Variants in RASGRP1 observed in about 807,000 individuals in gnomAD.
The protein encoded by RASGRP1 is RAS guanyl releasing protein 1, also known as RAS guanyl-releasing protein 1.
In RASGRP1, 37 loss-of-function variants were observed where a neutral mutation model predicts 95.1. That is an observed-to-expected ratio of 0.39 (90% confidence interval 0.30 to 0.51). The LOEUF (loss-of-function observed/expected upper bound fraction) is 0.51, where lower values mean the gene tolerates loss of function less well. Among genes scored for constraint, RASGRP1 ranks in the 20% least tolerant of loss-of-function variants. RASGRP1 has a pLI of 0.80. For missense variants in RASGRP1, 711 were observed against 965.4 expected (o/e 0.74, Z 3.49); for synonymous variants, 325 against 353.4 (o/e 0.92, Z 0.90).
chr15:38,555,543 T>C (rs1893519968), intron 2 of RASGRP1, among the ~76,000 whole-genome samples: 1 of 152,164 alleles, frequency 6.6e-6, no homozygotes, highest in Non-Finnish European at 1.5e-5. Flanking sequence ...AGGTTGCAAG[T>C]GGCTGCTAGG....
chr15:38,516,946 GCCC>G lies in RASGRP1; in HGVS notation c.522-599_522-597del, dbSNP rs139953555. Among the ~76,000 whole-genome samples, 366 of 152,108 alleles carry G rather than the reference GCCC, an allele frequency of 2.4e-3. 1 individual carries two copies. The highest frequency in any genetic ancestry group is 8.5e-3 in the African/African-American group (351 of 41,468). ...CCTAGCTGACCCTAGAGTGCGCCCTGCCCCCATTATTTTCTTGTAATCAACCCA... is the reference window on the plus strand; with the variant it reads ...CCTAGCTGACCCTAGAGTGCGCCCTGCCATTATTTTCTTGTAATCAACCCA... On this transcript the variant is annotated intron_variant, in intron 5 of 16. Coordinates refer to ENST00000310803, the MANE Select transcript of RASGRP1 (RefSeq NM_005739.4).
chr15:38,501,744 A>C (rs560268085), intron 12 of RASGRP1, among the ~76,000 whole-genome samples: 16 of 152,222 alleles, frequency 1.1e-4, no homozygotes, highest in Non-Finnish European at 2.2e-4. Flanking sequence ...AATAAGTATT[A>C]GTTGTTTCCC....
chr15:38,548,234 A>G (rs1205376605), intron 2 of RASGRP1, among the ~76,000 whole-genome samples: 1 of 152,124 alleles, frequency 6.6e-6, no homozygotes, highest in African/African-American at 2.4e-5. Context: ...TAAATCATCT[A>G]TTTGTCCTAG....
At chr15:38,532,877 G>A (rs1456786942) in intron 2 of RASGRP1, among the ~76,000 whole-genome samples, 5 of 152,086 alleles carry the variant, frequency 3.3e-5, no homozygotes, top group Admixed American at 3.3e-4. Flanking sequence ...CCTGCTCCCT[G>A]ATGATCAGAG....
rs1595809758 is a variant in RASGRP1 at position 38,489,194 on chromosome 15, C to G, written c.*1360G>C. ...TTATGAATTTCAAGTCAGTCTGGTACCAGACTTTATAGGCATGGAAGCTAA... is the reference window on the plus strand; with the variant it reads ...TTATGAATTTCAAGTCAGTCTGGTAGCAGACTTTATAGGCATGGAAGCTAA... On this transcript the variant is annotated 3_prime_UTR_variant, in exon 17 of 17. Transcript: ENST00000310803. 1.3e-5 allele frequency: 2 copies of G among 151,406 alleles called. No homozygotes were observed. Among genetic ancestry groups the G allele is most frequent in the East Asian group, 3.9e-4 (2 of 5,152 alleles). 9.4% of individuals were successfully genotyped at this position (151,406 alleles called of 1,614,324 possible).
intron 9 of RASGRP1, among the ~76,000 whole-genome samples, chr15:38,507,014 T>C (rs905637536): frequency 6.6e-6 from 1 of 152,216 alleles, no homozygotes; most frequent in African/African-American, 2.4e-5. Flanking sequence ...AGAAAGAGGT[T>C]ATGATCATTA....
At chr15:38,492,689 G>A (rs935090795) in intron 16 of RASGRP1, among the ~76,000 whole-genome samples, 1 of 152,090 alleles carries the variant, frequency 6.6e-6, no homozygotes, top group Non-Finnish European at 1.5e-5. Flanking sequence ...ACTATGCCAT[G>A]GGACAGTAGT....
At chr15:38,510,237 T>C (rs978270977) in intron 8 of RASGRP1, among the ~76,000 whole-genome samples, 6 of 152,252 alleles carry the variant, frequency 3.9e-5, no homozygotes, top group Admixed American at 2.0e-4. Flanking sequence ...CTCTCTCTTA[T>C]AAGCTAAATG....
chr15:38,496,878 C>T (rs557832414), intron 15 of RASGRP1, among the ~76,000 whole-genome samples: 3 of 152,176 alleles, frequency 2.0e-5, no homozygotes, highest in African/African-American at 4.8e-5. Context: ...TACCACTGAA[C>T]ATTAGAAGTG....
At chr15:38,549,519 T>A (rs1366509585) in intron 2 of RASGRP1, among the ~76,000 whole-genome samples, 1 of 152,180 alleles carries the variant, frequency 6.6e-6, no homozygotes, top group Non-Finnish European at 1.5e-5. Flanking sequence ...CATAGCTCCA[T>A]TTGCTCCTCC....
intron 2 of RASGRP1, among the ~76,000 whole-genome samples, chr15:38,550,514 C>T (rs972976337): frequency 1.3e-5 from 2 of 152,144 alleles, no homozygotes; most frequent in African/African-American, 4.8e-5. Flanking sequence ...TTTAATTCCT[C>T]ATTACCATCA....
chr15:38,560,268 C>A (rs1439603240), intron 1 of RASGRP1: 1 of 489,576 alleles, frequency 2.0e-6, no homozygotes, highest in Non-Finnish European at 3.7e-6. Flanking sequence ...TCTCCCACTT[C>A]CTGAAGGGGA....
At chr15:38,532,702 G>C (rs1257306319) in intron 2 of RASGRP1, among the ~76,000 whole-genome samples, 1 of 152,124 alleles carries the variant, frequency 6.6e-6, no homozygotes. Context: ...TATAGCAACT[G>C]TTCATTCTAC....
chr15:38,539,381 G>C (rs1180163721), intron 2 of RASGRP1, among the ~76,000 whole-genome samples: 3 of 152,098 alleles, frequency 2.0e-5, no homozygotes, highest in Non-Finnish European at 4.4e-5. Flanking sequence ...CTGCATGATC[G>C]ATGTTTTCTC....
intron 8 of RASGRP1, among the ~76,000 whole-genome samples, chr15:38,511,035 T>C (rs1372495872): frequency 1.3e-5 from 2 of 152,154 alleles, no homozygotes; most frequent in Non-Finnish European, 2.9e-5. Flanking sequence ...AATCTAATAA[T>C]GTAGGAAAAT....
intron 3 of RASGRP1, among the ~76,000 whole-genome samples, chr15:38,520,136 A>G (rs575915556): frequency 1.3e-5 from 2 of 152,360 alleles, no homozygotes; most frequent in African/African-American, 4.8e-5. Flanking sequence ...GAGAACTCCA[A>G]TGCAGTGATG....
At chr15:38,542,151 C>T (rs141870731) in intron 2 of RASGRP1, among the ~76,000 whole-genome samples, 47 of 152,230 alleles carry the variant, frequency 3.1e-4, no homozygotes, top group African/African-American at 1.1e-3. Context: ...CTGATACTGT[C>T]ACTGCAATCC....
At chr15:38,543,556 C>G (rs1325483031) in intron 2 of RASGRP1, among the ~76,000 whole-genome samples, 2 of 124,492 alleles carry the variant, frequency 1.6e-5, no homozygotes, top group East Asian at 5.0e-4. Flanking sequence ...ATCTGAAACT[C>G]TAGTCTTTTT....
chr15:38,539,549 T>C (rs1328245694), intron 2 of RASGRP1, among the ~76,000 whole-genome samples: 1 of 16,528 alleles, frequency 6.1e-5, no homozygotes, highest in East Asian at 3.9e-3. Context: ...TGCATTGCCG[T>C]TTTTTTTTTT....
Sources: gnomAD v4.1 joint callset for allele counts (sites outside exome capture counted in the v4.1 genomes callset) on GRCh38, gnomAD v4.1.1 for gene constraint, MANE v1.5 for transcripts, NCBI Gene and HGNC (gene_info 2026-07-23, HGNC 2026-07-21) for gene names.